ROCK1: variants seen among roughly 807,000 people sequenced by gnomAD.
ROCK1 encodes the protein rho-associated protein kinase 1.
ROCK1 carries 36 observed loss-of-function variants against 196.8 expected under a neutral mutation model. The ratio of observed to expected loss-of-function variants is 0.18; its 90% confidence interval spans 0.14 to 0.24. The LOEUF (loss-of-function observed/expected upper bound fraction) is 0.24, where lower values mean the gene tolerates loss of function less well. Among genes scored for constraint, ROCK1 ranks in the 10% least tolerant of loss-of-function variants. The pLI is 1.00. For missense variants in ROCK1, 920 were observed against 1,562.0 expected, an observed-to-expected ratio of 0.59 and a Z score of 6.93; for synonymous variants, 443 against 515.9, an observed-to-expected ratio of 0.86 and a Z score of 1.91.
chr18:20,986,890 A>G (rs1050864169), intron 19 of ROCK1, 60 bp downstream of exon 19: 11 of 1,419,608 alleles, frequency 7.7e-6, no homozygotes, highest in African/African-American at 1.4e-5. Context: ...AACTCCAGTC[A>G]TAACTTATAT....
chr18:21,009,415 T>C (rs748434530), intron 13 of ROCK1, among the ~76,000 whole-genome samples: 1 of 152,108 alleles, frequency 6.6e-6, no homozygotes, highest in Non-Finnish European at 1.5e-5. Flanking sequence ...GAGTATTCCA[T>C]GGTACAAATG....
Position 21,111,277 on chromosome 18 carries a change from T to G in ROCK1, c.-367A>C, listed in dbSNP as rs1332666927. ...CCGTCCCGAGATGGGCAGGAGCGGG[T>G]AGAGAAAGAGAAGCAGGGTGGAGAC... On this transcript the variant is annotated 5_prime_UTR_variant, in exon 1 of 33. Coordinates refer to ENST00000399799, the MANE Select transcript of ROCK1 (RefSeq NM_005406.3). This position sits in a 1 kb window ranked among gnomAD's most constrained non-coding sequence, Gnocchi z 4.2. 8.7e-6 allele frequency: 4 copies of G among 460,392 alleles called. No individual in the cohort carries two copies. Among genetic ancestry groups the G allele is most frequent in the African/African-American group, 2.1e-5 (1 of 47,816 alleles). The allele number at this position is 460,392 out of a possible 1,614,324, so 28.5% of individuals were successfully genotyped here.
At chr18:21,109,024 C>G (rs1252745613) in intron 1 of ROCK1, among the ~76,000 whole-genome samples, 1 of 152,200 alleles carries the variant, frequency 6.6e-6, no homozygotes, top group East Asian at 1.9e-4. Flanking sequence ...TCCTCCACTC[C>G]TCTTGAGTAC....
rs1470637770 is a variant in ROCK1 at position 21,008,127 on chromosome 18, T to C, written c.1478A>G (p.His493Arg). 1 of 1,603,360 alleles carries C rather than the reference T, an allele frequency of 6.2e-7. No homozygotes were observed. The highest frequency in any genetic ancestry group is 8.5e-7 in the Non-Finnish European group (1 of 1,172,752). The change falls in exon 14 of 33, where the codon CAT (histidine) becomes CGT (arginine). Residue 493 changes from histidine (H) to arginine (R), a missense_variant. His to Arg is a conservative substitution (Grantham distance 29). Around this residue, in one of 6 missense-constraint regions of ROCK1, gnomAD observed 520 missense variants for 657.1 expected, o/e 0.79. Coordinates refer to ENST00000399799, the MANE Select transcript of ROCK1 (RefSeq NM_005406.3). ...TTTTCTTTGGTACTCATTAATTCTATGCTGTAGCAACATTTTCTCCTTCTC... is the reference window on the plus strand; with the variant it reads ...TTTTCTTTGGTACTCATTAATTCTACGCTGTAGCAACATTTTCTCCTTCTC... ...QIEKEKMLLQHRINEYQRKAE... is the reference protein window; with the variant it reads ...QIEKEKMLLQRRINEYQRKAE...
chr18:21,043,584 A>ATACATATACATAATGTATATGTG (rs2036129003), intron 6 of ROCK1, among the ~76,000 whole-genome samples: 2 of 147,264 alleles, frequency 1.4e-5, no homozygotes, highest in Non-Finnish European at 3.0e-5. Context: ...ATGTATATGT[A>ATACATATACATAATGTATATGTG]TATACATATA....
chr18:21,089,979 C>T (rs1189586899), intron 1 of ROCK1, among the ~76,000 whole-genome samples: 2 of 152,052 alleles, frequency 1.3e-5, no homozygotes, highest in African/African-American at 2.4e-5. Context: ...TCAAATTTGA[C>T]GAGGGGTGTT....
rs763180129 is a variant in ROCK1, at chr18:20,949,945, G to C, written c.*1439C>G. On this transcript the variant is annotated 3_prime_UTR_variant, in exon 33 of 33. Transcript: ENST00000399799. ...TCATTAGTATATTAATAACAGATATGTTTATTATTACATATCCATCAGTGC... is the reference window on the plus strand; with the variant it reads ...TCATTAGTATATTAATAACAGATATCTTTATTATTACATATCCATCAGTGC... 1 of 152,646 alleles carries C rather than the reference G, an allele frequency of 6.6e-6. No individual in the cohort carries two copies. The highest frequency in any genetic ancestry group is 2.4e-5 in the African/African-American group (1 of 41,446). The allele number at this position is 152,646 out of a possible 1,614,324, so 9.5% of individuals were successfully genotyped here.
At chr18:20,959,162 T>TA (rs2035298971) in intron 29 of ROCK1, among the ~76,000 whole-genome samples, 1 of 73,994 alleles carries the variant, frequency 1.4e-5, no homozygotes, top group African/African-American at 6.2e-5. Flanking sequence ...ATATATTATA[T>TA]ATTATATAAT....
chr18:20,970,318 TTA>T, intron 23 of ROCK1, 28 bp downstream of exon 23: 1 of 1,574,702 alleles, frequency 6.4e-7, no homozygotes, highest in South Asian at 1.1e-5. Context: ...TAAATAAATT[TTA>T]TATAACTTAC....
chr18:20,996,909 C>G (rs1293432268), intron 16 of ROCK1, among the ~76,000 whole-genome samples: 2 of 152,060 alleles, frequency 1.3e-5, no homozygotes, highest in African/African-American at 4.8e-5. Context: ...ATATTATTTG[C>G]AAGCCTCATG....
At chr18:20,994,380 T>G (rs576906446) in intron 16 of ROCK1, among the ~76,000 whole-genome samples, 2 of 152,298 alleles carry the variant, frequency 1.3e-5, no homozygotes, top group African/African-American at 2.4e-5. Context: ...ATGCCTGTAA[T>G]CTCAGCACTT....
chr18:21,027,814 T>G (rs2035972738), intron 10 of ROCK1, among the ~76,000 whole-genome samples: 2 of 127,920 alleles, frequency 1.6e-5, no homozygotes, highest in African/African-American at 3.1e-5. Context: ...CAGGCTGGAG[T>G]GCAGTGGCGC....
rs1326903733 is a variant in ROCK1 at position 20,974,291 on chromosome 18, G to C, written c.2655-3778C>G. Among the ~76,000 whole-genome samples the C allele has an allele frequency of 2.0e-5, 3 of 152,310 alleles. No homozygotes were observed. The South Asian group carries it at 6.2e-4, about 32-fold the overall frequency. ...GATGTGAAATAATTTTCTTAGGAGA[G>C]TAGTAGAGTTAGTACTTTAGGAAAA... On this transcript the variant is annotated intron_variant, in intron 22 of 32. Transcript: ENST00000399799.
Position 20,979,891 on chromosome 18 carries a change from TA to T in ROCK1, c.2654+18del. The T allele has an allele frequency of 2.0e-6, 3 of 1,520,676 alleles. No individual in the cohort carries two copies. The highest frequency in any genetic ancestry group is 2.6e-6 in the Non-Finnish European group (3 of 1,132,572). The allele number at this position is 1,520,676 out of a possible 1,614,324, so 94.2% of individuals were successfully genotyped here. ...CCTGTTGCAGTACTGATTCTTGTTC[TA>T]AAGTAAAATGGACATACTTTTCATT... is the stretch of plus-strand genomic sequence containing the variant. On this transcript the variant is annotated intron_variant, in intron 22 of 32. Coordinates refer to ENST00000399799, the MANE Select transcript of ROCK1 (RefSeq NM_005406.3).
In ROCK1 at chr18:20,949,650, A is replaced by G. The variant is rs1328863231; in HGVS notation, c.*1734T>C. ...CTGCTTCCCTGATGTGTAGAAATGC[A>G]AGAGACCCATGGAGAATTGTTTTCC... On this transcript the variant is annotated 3_prime_UTR_variant, in exon 33 of 33. Coordinates refer to ENST00000399799, the MANE Select transcript of ROCK1 (RefSeq NM_005406.3). 6.6e-6 allele frequency: 1 copy of G among 152,286 alleles called. No homozygotes were observed. The highest frequency in any genetic ancestry group is 2.4e-5 in the African/African-American group (1 of 41,466). The allele number at this position is 152,286 out of a possible 1,614,324, so 9.4% of individuals were successfully genotyped here. A position where few individuals can be genotyped will look rare whatever the true frequency, so the allele number is the denominator to read the frequency against.
At chr18:21,079,864 A>C (rs561079669) in intron 1 of ROCK1, among the ~76,000 whole-genome samples, 1 of 152,298 alleles carries the variant, frequency 6.6e-6, no homozygotes, top group East Asian at 1.9e-4. Flanking sequence ...TATTAAAATT[A>C]AGTCTCCCCA....
At chr18:21,047,362 T>C (rs1379836464) in intron 4 of ROCK1, among the ~76,000 whole-genome samples, 1 of 152,060 alleles carries the variant, frequency 6.6e-6, no homozygotes, top group Non-Finnish European at 1.5e-5. Context: ...ACATCCTAAA[T>C]AAACACATTA....
intron 18 of ROCK1, among the ~76,000 whole-genome samples, chr18:20,989,158 G>A (rs1294765369): frequency 1.3e-5 from 2 of 152,224 alleles, no homozygotes; most frequent in African/African-American, 2.4e-5. Context: ...AAGTGAGAAT[G>A]ACTGATGAGT....
intron 1 of ROCK1, among the ~76,000 whole-genome samples, chr18:21,073,554 G>C (rs1209908784): frequency 3.9e-5 from 6 of 152,100 alleles, no homozygotes; most frequent in Non-Finnish European, 7.4e-5. Flanking sequence ...ACATTATAAG[G>C]TATGAGAATT....
Sources: allele counts gnomAD v4.1 joint callset (sites outside exome capture counted in the v4.1 genomes callset), GRCh38; gene constraint gnomAD v4.1.1; regional missense constraint gnomAD v4.1.1; non-coding constraint Gnocchi (gnomAD v3.1); transcripts MANE v1.5; gene names NCBI Gene and HGNC (gene_info 2026-07-23, HGNC 2026-07-21).